MEAF6: variants seen among roughly 807,000 people sequenced by gnomAD.
MEAF6 encodes MYST/Esa1 associated factor 6, also known as chromatin modification-related protein MEAF6.
A neutral mutation model predicts 28.9 loss-of-function variants in MEAF6; 15 were observed. The observed-to-expected ratio is 0.52, with a 90% CI of 0.35 to 0.80. MEAF6 has a LOEUF of 0.80. MEAF6 is among the 30% of genes least tolerant of loss of function. The pLI is 0.01. For missense variants in MEAF6, 178 were observed against 237.5 expected, an observed-to-expected ratio of 0.75 and a Z score of 1.65; for synonymous variants, 97 against 88.7, an observed-to-expected ratio of 1.09 and a Z score of -0.53.
At chr1:37,502,066 G>A in intron 4 of MEAF6, 70 bp from the exon 5 acceptor site, 1 of 1,329,836 alleles carries the variant, frequency 7.5e-7, no homozygotes, top group Admixed American at 2.1e-5. Context: ...CCATCAACAT[G>A]AACACTAATA....
chr1:37,509,826 G>A (rs1032963328), intron 2 of MEAF6, among the ~76,000 whole-genome samples: 3 of 152,052 alleles, frequency 2.0e-5, no homozygotes, highest in African/African-American at 7.3e-5. Flanking sequence ...GCCTACGCTG[G>A]AGTGCAATGG....
At chr1:37,508,112 T>C (rs1313995760) in intron 4 of MEAF6, among the ~76,000 whole-genome samples, 1 of 151,990 alleles carries the variant, frequency 6.6e-6, no homozygotes, top group Non-Finnish European at 1.5e-5. Flanking sequence ...TGAGTCTGAC[T>C]CAGAAAGATA....
chr1:37,498,849 T>C (rs1642204642), intron 5 of MEAF6, among the ~76,000 whole-genome samples: 1 of 152,182 alleles, frequency 6.6e-6, no homozygotes, highest in African/African-American at 2.4e-5. Context: ...CTAAAAATTA[T>C]TTGATAAATT....
chr1:37,498,937 C>T (rs554016129), intron 5 of MEAF6, among the ~76,000 whole-genome samples: 32 of 151,870 alleles, frequency 2.1e-4, no homozygotes, highest in African/African-American at 6.3e-4. Flanking sequence ...GAGGATCAAG[C>T]CTAGGAGTTC....
intron 4 of MEAF6, among the ~76,000 whole-genome samples, chr1:37,505,789 TAC>T (rs1227641239): frequency 6.6e-6 from 1 of 152,188 alleles, no homozygotes; most frequent in African/African-American, 2.4e-5. Context: ...CCCTTATATT[TAC>T]AGTCAACTGA....
chr1:37,495,716 A>AAAAAAAAAAAAAAACAAAAAAAAAAAC (rs1557603988), intron 6 of MEAF6, among the ~76,000 whole-genome samples, 169 bp downstream of exon 6: 2 of 129,786 alleles, frequency 1.5e-5, no homozygotes, highest in South Asian at 2.3e-4. Context: ...AAAAAAAAAA[A>AAAAAAAAAAAAAAACAAAAAAAAAAAC]AAACAAAAAA....
chr1:37,499,756 T>TG, intron 5 of MEAF6, among the ~76,000 whole-genome samples: 1 of 152,230 alleles, frequency 6.6e-6, no homozygotes, highest in East Asian at 1.9e-4. Flanking sequence ...TGGAAGGAGA[T>TG]AGCTCCTAGG....
At chr1:37,511,535 G>GA (rs1295387771) in intron 2 of MEAF6, among the ~76,000 whole-genome samples, 1 of 152,146 alleles carries the variant, frequency 6.6e-6, no homozygotes, top group African/African-American at 2.4e-5. Context: ...ATCACAATGG[G>GA]AAAAAATGAA....
At chr1:37,498,534 C>T (rs1642195033) in intron 5 of MEAF6, among the ~76,000 whole-genome samples, 1 of 151,764 alleles carries the variant, frequency 6.6e-6, no homozygotes, top group Non-Finnish European at 1.5e-5. Flanking sequence ...AAGCAATCCT[C>T]CAGCCTCATC....
intron 4 of MEAF6, among the ~76,000 whole-genome samples, chr1:37,505,017 G>A (rs183229948): frequency 6.6e-6 from 1 of 151,872 alleles, no homozygotes; most frequent in African/African-American, 2.4e-5. Flanking sequence ...CCAAGTAACT[G>A]GGATTACAGG....
At chr1:37,506,270 C>CAA (rs200220342) in intron 4 of MEAF6, among the ~76,000 whole-genome samples, 38 of 125,156 alleles carry the variant, frequency 3.0e-4, no homozygotes, top group Middle Eastern at 4.2e-3. Context: ...GACTCCGTCT[C>CAA]AAAAAAAAAA....
At chr1:37,496,634 G>C in intron 5 of MEAF6, 9 of 1,553,592 alleles carry the variant, frequency 5.8e-6, no homozygotes, top group Non-Finnish European at 7.9e-6. Context: ...CTATGGGTTA[G>C]AAAGGTCTCA....
chr1:37,503,783 G>GA (rs1642390696), intron 4 of MEAF6, among the ~76,000 whole-genome samples: 1 of 151,914 alleles, frequency 6.6e-6, no homozygotes, highest in Admixed American at 6.6e-5. Flanking sequence ...GGTCAGCACG[G>GA]CAAAACCTCA....
intron 4 of MEAF6, among the ~76,000 whole-genome samples, chr1:37,504,568 G>A (rs189906880): frequency 7.9e-5 from 12 of 151,596 alleles, no homozygotes; most frequent in African/African-American, 2.2e-4. Context: ...GTCAGGAGTC[G>A]GAGACCAGCC....
intron 5 of MEAF6, among the ~76,000 whole-genome samples, chr1:37,497,526 A>G (rs1454151963): frequency 1.3e-5 from 2 of 152,144 alleles, no homozygotes; most frequent in Non-Finnish European, 2.9e-5. Flanking sequence ...ATGGCAATTA[A>G]CTGTCTATAT....
Position 37,491,400 on chromosome 1 carries a change from G to T in MEAF6, c.*2699C>A, listed in dbSNP as rs1641924483. Reference sequence around the variant, plus strand: ...CATGCCTGTAGTCCCAGCTACTGGGGAGGCTGAGGCAGGAGAATTGCTTGA... The same window carrying T: ...CATGCCTGTAGTCCCAGCTACTGGGTAGGCTGAGGCAGGAGAATTGCTTGA... On this transcript the variant is annotated 3_prime_UTR_variant, in exon 7 of 7. Coordinates refer to ENST00000296214, the MANE Select transcript of MEAF6 (RefSeq NM_001270875.3). 6.6e-6 allele frequency among the ~76,000 whole-genome samples: 1 copy of T among 152,170 alleles called. No individual in the cohort carries two copies.
At chr1:37,503,572 C>G (rs1428205958) in intron 4 of MEAF6, among the ~76,000 whole-genome samples, 1 of 149,084 alleles carries the variant, frequency 6.7e-6, no homozygotes, top group Non-Finnish European at 1.5e-5. Flanking sequence ...GGGAGGATCA[C>G]TTCAGCCCAT....
At position 37,507,697 on chromosome 1, in the gene MEAF6, C is replaced by G. The variant is rs553349930; in HGVS notation, c.340+1581G>C. Among the ~76,000 whole-genome samples, 7 of 151,764 alleles carry G rather than the reference C, an allele frequency of 4.6e-5. 1 individual carries two copies. In the South Asian group the frequency reaches 1.5e-3, roughly 31 times the overall value. Reference sequence around the variant, plus strand: ...AATGTCTAGAAGGAAATGCAGGATTCAGGCCGGGCGCAGTGGCTCATGCCT... The same window carrying G: ...AATGTCTAGAAGGAAATGCAGGATTGAGGCCGGGCGCAGTGGCTCATGCCT... On this transcript the variant is annotated intron_variant, in intron 4 of 6. Coordinates refer to ENST00000296214, the MANE Select transcript of MEAF6 (RefSeq NM_001270875.3).
chr1:37,501,782 G>A (rs749930387), intron 5 of MEAF6, 22 bp downstream of exon 5: 11 of 1,537,088 alleles, frequency 7.2e-6, no homozygotes, highest in Non-Finnish European at 8.8e-7. Flanking sequence ...GGAGCTGCGG[G>A]GGTGGGATCC....
Sources: gnomAD v4.1 joint callset for allele counts (sites outside exome capture counted in the v4.1 genomes callset) on GRCh38, gnomAD v4.1.1 for gene constraint, MANE v1.5 for transcripts, NCBI Gene and HGNC (gene_info 2026-07-23, HGNC 2026-07-21) for gene names.